The following KAZN variants were observed in gnomAD, a reference collection of about 807,000 sequenced individuals.
KAZN encodes kazrin, periplakin interacting protein.
KAZN carries 40 observed loss-of-function variants against 87.4 expected under a neutral mutation model. That is an observed-to-expected ratio of 0.46 (90% CI 0.36 to 0.60). KAZN has a LOEUF of 0.60. KAZN is among the 20% of genes least tolerant of loss of function. KAZN has a pLI of 0.00. For synonymous variants in KAZN, 466 were observed against 458.3 expected (o/e 1.02, Z -0.22); for missense variants, 898 against 1,073.9 (o/e 0.84, Z 2.29).
intron 2 of KAZN, among the ~76,000 whole-genome samples, chr1:14,392,128 G>A (rs1033897309): frequency 1.3e-5 from 2 of 152,178 alleles, no homozygotes; most frequent in East Asian, 3.9e-4. Flanking sequence ...AGCCAAAGGT[G>A]ATAGCCTTTA....
intron 1 of KAZN, among the ~76,000 whole-genome samples, chr1:14,786,983 T>C (rs148125455): frequency 1.9e-4 from 29 of 152,340 alleles, no homozygotes; most frequent in Admixed American, 4.6e-4. Context: ...TTTCTGCTTA[T>C]TAGTTTCCAA....
At chr1:15,087,067 A>G (rs1341068902) in intron 8 of KAZN, among the ~76,000 whole-genome samples, 1 of 152,276 alleles carries the variant, frequency 6.6e-6, no homozygotes, top group Admixed American at 6.5e-5. Flanking sequence ...AATCAGAAGC[A>G]GAGAAAGCTT....
chr1:14,923,693 C>T lies in KAZN; in HGVS notation c.227-36991C>T, dbSNP rs2101513434. Among the ~76,000 whole-genome samples the T allele has an allele frequency of 6.6e-6, 1 of 152,286 alleles. No homozygotes were observed. The highest frequency in any genetic ancestry group is 2.4e-5 in the African/African-American group (1 of 41,568). ...GCATTCCCCTCACTTAGAGGATGGC[C>T]GGTCACACGCAAAGATGAGCGAAGG... is the stretch of plus-strand genomic sequence containing the variant. On this transcript the variant is annotated intron_variant, in intron 1 of 14. Coordinates refer to ENST00000376030, the MANE Select transcript of KAZN (RefSeq NM_201628.3). This position sits in a 1 kb window ranked among gnomAD's most constrained non-coding sequence, Gnocchi z 4.2.
intron 1 of KAZN, among the ~76,000 whole-genome samples, chr1:14,883,946 A>G (rs576522985): frequency 6.6e-6 from 1 of 152,200 alleles, no homozygotes; most frequent in Non-Finnish European, 1.5e-5. Context: ...GCAAGAAAGA[A>G]TAGGGTACAG....
At chr1:14,057,280 G>A (rs1473289904) in intron 1 of KAZN, among the ~76,000 whole-genome samples, 1 of 151,844 alleles carries the variant, frequency 6.6e-6, no homozygotes, top group South Asian at 2.1e-4. Flanking sequence ...GATTACAGGT[G>A]CTTACCACCA....
At chr1:15,101,995 C>T (rs1012769132) in intron 11 of KAZN, among the ~76,000 whole-genome samples, 2 of 152,192 alleles carry the variant, frequency 1.3e-5, no homozygotes, top group Non-Finnish European at 2.9e-5. Context: ...TCTTCTCTTC[C>T]TCCTTCTTTC....
chr1:14,214,528 T>C (rs1646919649), intron 2 of KAZN, among the ~76,000 whole-genome samples: 1 of 152,148 alleles, frequency 6.6e-6, no homozygotes, highest in African/African-American at 2.4e-5. Context: ...ACTTGAAAAA[T>C]AAGTAGCAAA....
chr1:14,809,530 A>G (rs1340768116), intron 1 of KAZN, among the ~76,000 whole-genome samples: 1 of 152,156 alleles, frequency 6.6e-6, no homozygotes, highest in Non-Finnish European at 1.5e-5. Flanking sequence ...AGGGGAGTGC[A>G]CTGATTGGAC....
Position 14,809,992 on chromosome 1 carries a change from G to A in KAZN, c.227-150692G>A, listed in dbSNP as rs564208007. Among the ~76,000 whole-genome samples the A allele has an allele frequency of 1.1e-3, 171 of 152,198 alleles. 1 individual carries two copies. Among genetic ancestry groups the A allele is most frequent in the African/African-American group, 3.9e-3 (161 of 41,522 alleles). ...TTGGGGCTGGATACTCTTTGTTTTC[G>A]GAGGCTGTCTTGTGCATTGCAGGTG... On this transcript the variant is annotated intron_variant, in intron 1 of 14. Coordinates refer to ENST00000376030, the MANE Select transcript of KAZN (RefSeq NM_201628.3).
At chr1:14,767,196 G>A (rs544848988) in intron 1 of KAZN, among the ~76,000 whole-genome samples, 7 of 152,310 alleles carry the variant, frequency 4.6e-5, no homozygotes, top group Non-Finnish European at 1.0e-4. Context: ...CTGTGGGGAA[G>A]GTTAGGATTA....
chr1:14,450,308 T>G (rs6661819), intron 2 of KAZN, among the ~76,000 whole-genome samples: 71,238 of 151,956 alleles, frequency 0.47, 17,200 homozygotes, highest in Middle Eastern at 0.62. Flanking sequence ...AGCTGCTGTG[T>G]CTGGGCGCAG....
At chr1:14,954,167 A>G (rs986580485) in intron 1 of KAZN, among the ~76,000 whole-genome samples, 1 of 152,190 alleles carries the variant, frequency 6.6e-6, no homozygotes. Flanking sequence ...ACCATTGGTA[A>G]CAGTTGGCTC....
chr1:14,652,450 C>A (rs114926404), intron 1 of KAZN, among the ~76,000 whole-genome samples: 1 of 137,086 alleles, frequency 7.3e-6, no homozygotes, highest in Admixed American at 7.3e-5. Context: ...CACCCACCCA[C>A]CCATCTGCCT....
intron 1 of KAZN, among the ~76,000 whole-genome samples, chr1:13,918,991 T>C (rs752701346): frequency 6.6e-6 from 1 of 152,208 alleles, no homozygotes; most frequent in Non-Finnish European, 1.5e-5. Context: ...TGGGCCTTCT[T>C]AATGTTCTTA....
intron 1 of KAZN, among the ~76,000 whole-genome samples, chr1:14,770,047 C>T (rs909395744): frequency 1.3e-5 from 2 of 152,200 alleles, no homozygotes; most frequent in African/African-American, 4.8e-5. Context: ...GAACCAGGAC[C>T]TCAGAGAATA....
intron 2 of KAZN, among the ~76,000 whole-genome samples, chr1:14,546,036 C>A (rs532259109): frequency 3.3e-5 from 5 of 152,204 alleles, no homozygotes; most frequent in Admixed American, 3.3e-4. Context: ...TACTTGATAT[C>A]ATGATGGTGG....
chr1:14,556,671 A>C (rs980425357), intron 2 of KAZN, among the ~76,000 whole-genome samples: 2 of 152,106 alleles, frequency 1.3e-5, no homozygotes, highest in Non-Finnish European at 2.9e-5. Context: ...GTAACCATTC[A>C]TGCAAGAATT....
intron 1 of KAZN, among the ~76,000 whole-genome samples, chr1:14,927,741 G>A (rs762532006): frequency 1.3e-5 from 2 of 152,160 alleles, no homozygotes; most frequent in African/African-American, 4.8e-5. Context: ...AGAAAGCCAC[G>A]TGGCCTTATT....
intron 1 of KAZN, among the ~76,000 whole-genome samples, chr1:14,869,189 T>C (rs572583800): frequency 1.3e-5 from 2 of 152,336 alleles, no homozygotes; most frequent in Admixed American, 6.5e-5. Context: ...CCTTCCTGCC[T>C]GTCTTGACCC....
Sources: allele counts gnomAD v4.1 joint callset (sites outside exome capture counted in the v4.1 genomes callset), GRCh38; gene constraint gnomAD v4.1.1; non-coding constraint Gnocchi (gnomAD v3.1); transcripts MANE v1.5; gene names NCBI Gene and HGNC (gene_info 2026-07-23, HGNC 2026-07-21).